Variants in TSHZ1 observed in about 807,000 individuals in gnomAD.
TSHZ1 encodes teashirt zinc finger homeobox 1.
TSHZ1 carries 12 observed loss-of-function variants against 67.1 expected under a neutral mutation model. The ratio of observed to expected loss-of-function variants is 0.18; its 90% CI spans 0.11 to 0.29. The LOEUF is 0.29. Ranked by LOEUF, TSHZ1 falls within the 10% of genes least tolerant of loss-of-function variation. The pLI is 1.00. For synonymous variants in TSHZ1, 632 were observed against 622.4 expected (o/e 1.02, Z -0.23); for missense variants, 1,305 against 1,413.9 (o/e 0.92, Z 1.23).
rs143266472 is a variant in TSHZ1 at position 75,239,014 on chromosome 18, G to C, written c.40+27098G>C. 1.6e-4 allele frequency among the ~76,000 whole-genome samples: 24 copies of C among 152,350 alleles called. No homozygotes were observed. In the South Asian group the frequency reaches 1.9e-3, roughly 12 times the overall value. ...AGTCTGCACAAGGCTGCAGGCCCAC[G>C]ACGCTGCCCAGGCAAAGAGGCTTGG... On this transcript the variant is annotated intron_variant, in intron 1 of 1. Coordinates refer to ENST00000580243, the MANE Select transcript of TSHZ1 (RefSeq NM_001308210.2).
rs780689354 is a variant in TSHZ1, at chr18:75,287,039, C to A, written c.1632C>A (p.Ser544Arg). ...TGCGTGAGGAGGACCTGGACGACAGCCCCAAGGGAGGGCTGGACATTCTCA... is the reference window on the plus strand; with the variant it reads ...TGCGTGAGGAGGACCTGGACGACAGACCCAAGGGAGGGCTGGACATTCTCA... ...PYLREEDLDD[S>R]PKGGLDILKS... Residue 544 changes from serine (S) to arginine (R), a missense_variant, in exon 2 of 2, where the codon AGC (serine) becomes AGA (arginine). Around this residue, in one of 3 missense-constraint regions of TSHZ1, gnomAD observed 909 missense variants for 961.8 expected, o/e 0.95. Coordinates refer to ENST00000580243, the MANE Select transcript of TSHZ1 (RefSeq NM_001308210.2). The surrounding 1 kb of genome is among the most constrained non-coding windows in gnomAD (Gnocchi z 5.0). 3 of 1,614,000 alleles carry A rather than the reference C, an allele frequency of 1.9e-6. No individual in the cohort carries two copies. In the South Asian group the frequency reaches 3.3e-5, roughly 18 times the overall value.
intron 1 of TSHZ1, among the ~76,000 whole-genome samples, chr18:75,231,688 C>G (rs2023000880): frequency 6.6e-6 from 1 of 151,890 alleles, no homozygotes; most frequent in African/African-American, 2.4e-5. Flanking sequence ...GCACCCACCA[C>G]CACACCCGGC....
Position 75,288,397 on chromosome 18 carries a change from T to C in TSHZ1, c.2990T>C (p.Leu997Pro). 3 of 1,614,248 alleles carry C rather than the reference T, an allele frequency of 1.9e-6. No homozygotes were observed. The highest frequency in any genetic ancestry group is 2.5e-6 in the Non-Finnish European group (3 of 1,180,044). The change falls in exon 2 of 2, where the codon CTG (leucine) becomes CCG (proline). Residue 997 changes from leucine (L) to proline (P), a missense_variant. Physicochemically the swap from Leu to Pro is moderately conservative, Grantham distance 98. Transcript: ENST00000580243. This position sits in a 1 kb window ranked among gnomAD's most constrained non-coding sequence, Gnocchi z 4.9. ...SHLETHLGFS[L>P]KDLSKLPLNQ... ...TTGGAGACACACTTGGGCTTCAGCC[T>C]GAAGGATCTCTCCAAGCTGCCACTC... is the stretch of plus-strand genomic sequence containing the variant.
At chr18:75,248,874 C>T (rs971041975) in intron 1 of TSHZ1, among the ~76,000 whole-genome samples, 2 of 152,172 alleles carry the variant, frequency 1.3e-5, no homozygotes, top group East Asian at 3.8e-4. Flanking sequence ...TAGAAATAGC[C>T]GCAGAGGCAA....
chr18:75,268,056 A>G (rs1283900962), intron 1 of TSHZ1, among the ~76,000 whole-genome samples: 1 of 152,242 alleles, frequency 6.6e-6, no homozygotes, highest in African/African-American at 2.4e-5. Context: ...ATAAATCACC[A>G]AAGATTAAAT....
At chr18:75,236,443 G>A (rs2122543561) in intron 1 of TSHZ1, among the ~76,000 whole-genome samples, 1 of 152,238 alleles carries the variant, frequency 6.6e-6, no homozygotes, top group South Asian at 2.1e-4. Context: ...AGTCACATTG[G>A]CACCTTTTAG....
rs1397937721 is a variant in TSHZ1, at chr18:75,276,010, C to T, written c.41-9438C>T. Among the ~76,000 whole-genome samples, 4 of 152,154 alleles carry T rather than the reference C, an allele frequency of 2.6e-5. No individual in the cohort carries two copies. In the South Asian group the frequency reaches 6.2e-4, roughly 24 times the overall value. On this transcript the variant is annotated intron_variant, in intron 1 of 1. Coordinates refer to ENST00000580243, the MANE Select transcript of TSHZ1 (RefSeq NM_001308210.2). ...ATCAAAGTTTTTCATCTTTTACATA[C>T]GGTTTAAGCTCTGATTTGTGCTACT...
intron 1 of TSHZ1, among the ~76,000 whole-genome samples, chr18:75,265,490 G>A (rs2023479451): frequency 6.6e-6 from 1 of 152,114 alleles, no homozygotes; most frequent in Admixed American, 6.5e-5. Flanking sequence ...ATGACCTTAG[G>A]GTTTTCAAAA....
rs546817729 is a variant in TSHZ1, at chr18:75,265,161, C to A, written c.41-20287C>A. 1.6e-4 allele frequency among the ~76,000 whole-genome samples: 25 copies of A among 152,242 alleles called. No homozygotes were observed. In the East Asian group the frequency reaches 3.9e-3, roughly 23 times the overall value. On this transcript the variant is annotated intron_variant, in intron 1 of 1. Transcript: ENST00000580243. Reference sequence around the variant, plus strand: ...TCTTCTTTCCCTTTTATCTCGACATCTGTGAGTTTTAAAGCAAAAAAAGAA... The same window carrying A: ...TCTTCTTTCCCTTTTATCTCGACATATGTGAGTTTTAAAGCAAAAAAAGAA...
chr18:75,226,975 G>A lies in TSHZ1; in HGVS notation c.40+15059G>A, dbSNP rs149675883. On this transcript the variant is annotated intron_variant, in intron 1 of 1. Transcript: ENST00000580243. ...CCTGGGAAGGTTCTGAGACCCAAAG[G>A]AGTGATTGTTCCAAGCCCAGGAACA... 2.0e-5 allele frequency among the ~76,000 whole-genome samples: 3 copies of A among 152,228 alleles called. No individual in the cohort carries two copies. The East Asian group carries it at 5.8e-4, about 29-fold the overall frequency.
intron 1 of TSHZ1, among the ~76,000 whole-genome samples, chr18:75,259,120 GT>G (rs987309314): frequency 6.6e-6 from 1 of 152,108 alleles, no homozygotes; most frequent in Non-Finnish European, 1.5e-5. Flanking sequence ...ATGAATGTGT[GT>G]GGGGTTTTCT....
chr18:75,287,814 T>C lies in TSHZ1; in HGVS notation c.2407T>C (p.Tyr803His), dbSNP rs61732783. The C allele has an allele frequency of 1.0e-4, 161 of 1,613,988 alleles. No individual in the cohort carries two copies. Among genetic ancestry groups the C allele is most frequent in the Non-Finnish European group, 1.3e-4 (157 of 1,180,044 alleles). Residue 803 changes from tyrosine (Y) to histidine (H), a missense_variant, in exon 2 of 2, where the codon TAT becomes CAT. This residue lies in a region of TSHZ1 where 909 missense variants were observed against 961.8 expected (regional missense o/e 0.95). Coordinates refer to ENST00000580243, the MANE Select transcript of TSHZ1 (RefSeq NM_001308210.2). This position sits in a 1 kb window ranked among gnomAD's most constrained non-coding sequence, Gnocchi z 5.0. ...GGCCGATGCCATCGACCGCTACTAT[T>C]ATGAAAACAGCGACCAGCCCATTGA... ...KQADAIDRYYYENSDQPIDLT... is the reference protein window; with the variant it reads ...KQADAIDRYYHENSDQPIDLT...
chr18:75,249,946 C>T (rs1458311751), intron 1 of TSHZ1, among the ~76,000 whole-genome samples: 1 of 149,586 alleles, frequency 6.7e-6, no homozygotes, highest in African/African-American at 2.5e-5. Context: ...GGGTTGACTT[C>T]CTCTTCCTCG....
chr18:75,269,823 G>A (rs2023536563), intron 1 of TSHZ1, among the ~76,000 whole-genome samples: 1 of 152,032 alleles, frequency 6.6e-6, no homozygotes, highest in African/African-American at 2.4e-5. Context: ...CAGCCCCCCT[G>A]GCTCCCAGCA....
chr18:75,242,481 T>G (rs2023169287), intron 1 of TSHZ1, among the ~76,000 whole-genome samples: 1 of 152,258 alleles, frequency 6.6e-6, no homozygotes, highest in South Asian at 2.1e-4. Context: ...CCATGGTACA[T>G]GTTGAAGCAA....
intron 1 of TSHZ1, among the ~76,000 whole-genome samples, chr18:75,250,792 G>A (rs978685422): frequency 9.2e-5 from 14 of 152,360 alleles, no homozygotes; most frequent in African/African-American, 3.1e-4. Context: ...ACAGTGGCTT[G>A]ATGTCCTGGC....
chr18:75,280,872 G>A (rs2023676323), intron 1 of TSHZ1: 64 of 968,738 alleles, frequency 6.6e-5, no homozygotes, highest in Non-Finnish European at 7.9e-5. Context: ...TGAGAGGGTG[G>A]CATAAGGAGA....
intron 1 of TSHZ1, among the ~76,000 whole-genome samples, chr18:75,245,939 GT>G (rs1425879700): frequency 6.6e-6 from 1 of 152,154 alleles, no homozygotes; most frequent in African/African-American, 2.4e-5. Context: ...TTAAATCTTG[GT>G]TAGCACTTGG....
At chr18:75,235,689 T>C (rs1387918533) in intron 1 of TSHZ1, among the ~76,000 whole-genome samples, 1 of 151,718 alleles carries the variant, frequency 6.6e-6, no homozygotes, top group African/African-American at 2.4e-5. Flanking sequence ...ATGAAATATT[T>C]TATTATGCAT....
Sources: gnomAD v4.1 joint callset for allele counts (sites outside exome capture counted in the v4.1 genomes callset) on GRCh38, gnomAD v4.1.1 for gene constraint, gnomAD v4.1.1 regional missense constraint, Gnocchi (gnomAD v3.1) non-coding constraint, MANE v1.5 for transcripts, NCBI Gene and HGNC (gene_info 2026-07-23, HGNC 2026-07-21) for gene names.